The following OSBPL9 variants were observed in gnomAD, a reference collection of about 807,000 sequenced individuals.
OSBPL9 encodes oxysterol binding protein like 9.
A neutral mutation model predicts 106.6 loss-of-function variants in OSBPL9; 40 were observed. That is an observed-to-expected ratio of 0.38 (90% CI 0.29 to 0.49). OSBPL9 has a LOEUF of 0.49. Among genes scored for constraint, OSBPL9 ranks in the 20% least tolerant of loss-of-function variants. The pLI, the probability that OSBPL9 is intolerant of heterozygous loss-of-function variation, is 0.97. For synonymous variants in OSBPL9, 269 were observed against 295.4 expected, an observed-to-expected ratio of 0.91 and a Z score of 0.92; for missense variants, 609 against 887.2, an observed-to-expected ratio of 0.69 and a Z score of 3.98.
chr1:51,698,151 C>T (rs1020875946), intron 3 of OSBPL9, among the ~76,000 whole-genome samples: 3 of 151,882 alleles, frequency 2.0e-5, no homozygotes, highest in Non-Finnish European at 4.4e-5. Context: ...AGTATCTTGC[C>T]CAAGGTCAGA....
the OSBPL9 span, among the ~76,000 whole-genome samples, chr1:51,541,153 T>C: frequency 6.6e-6 from 1 of 152,050 alleles, no homozygotes; most frequent in Admixed American, 6.6e-5. Context: ...TAATTATTTA[T>C]TTGTTTGTTT....
chr1:51,617,285 GA>G (rs1644102756), intron 1 of OSBPL9, 64 bp downstream of exon 1: 1 of 1,503,880 alleles, frequency 6.6e-7, no homozygotes, highest in Non-Finnish European at 9.0e-7. Context: ...GGAGGTGGGG[GA>G]CCGGGGTTTT....
chr1:51,741,280 C>T (rs1666837874), intron 4 of OSBPL9, among the ~76,000 whole-genome samples: 1 of 152,140 alleles, frequency 6.6e-6, no homozygotes, highest in Non-Finnish European at 1.5e-5. Context: ...CTCTTTCTCT[C>T]TCTATTAAAC....
At chr1:51,602,629 C>T (rs557774160) in intron 2 of OSBPL9, among the ~76,000 whole-genome samples, 9 of 150,954 alleles carry the variant, frequency 6.0e-5, no homozygotes, top group African/African-American at 1.9e-4. Context: ...AGGAGTGGGG[C>T]GGGGAGATGT....
At chr1:51,754,647 T>G (rs1443128015) in intron 8 of OSBPL9, among the ~76,000 whole-genome samples, 1 of 152,236 alleles carries the variant, frequency 6.6e-6, no homozygotes, top group Non-Finnish European at 1.5e-5. Flanking sequence ...TAAAATTTTC[T>G]TATAACATTT....
intron 3 of OSBPL9, among the ~76,000 whole-genome samples, chr1:51,687,723 A>G (rs1167042055): frequency 2.6e-5 from 4 of 152,186 alleles, no homozygotes; most frequent in Non-Finnish European, 5.9e-5. Flanking sequence ...AGGTGAGGAG[A>G]AGGAGGCTTG....
intron 1 of OSBPL9, among the ~76,000 whole-genome samples, chr1:51,620,219 A>G (rs1644341337): frequency 6.6e-6 from 1 of 152,208 alleles, no homozygotes; most frequent in Admixed American, 6.5e-5. Flanking sequence ...GTGGCTTATG[A>G]TCACAAAAGA....
chr1:51,772,539 T>C (rs1022251373), intron 13 of OSBPL9, 66 bp from the exon 14 acceptor site: 52 of 1,241,064 alleles, frequency 4.2e-5, no homozygotes, highest in Admixed American at 3.9e-4. Flanking sequence ...AACAAAATTG[T>C]AATTCTAGTA....
chr1:51,640,978 G>C (rs1288139788), intron 1 of OSBPL9, among the ~76,000 whole-genome samples: 1 of 151,068 alleles, frequency 6.6e-6, no homozygotes, highest in South Asian at 2.1e-4. Context: ...TTTTAGAGAT[G>C]GGTTCTCACT....
At chr1:51,694,946 A>G (rs1655719304) in intron 3 of OSBPL9, among the ~76,000 whole-genome samples, 1 of 152,224 alleles carries the variant, frequency 6.6e-6, no homozygotes, top group African/African-American at 2.4e-5. Flanking sequence ...ATGTTTGCCA[A>G]ACACCCGAGA....
At chr1:51,764,562 A>G (rs1047821611) in intron 11 of OSBPL9, among the ~76,000 whole-genome samples, 1 of 151,176 alleles carries the variant, frequency 6.6e-6, no homozygotes, top group Non-Finnish European at 1.5e-5. Flanking sequence ...TGGGCAAAAA[A>G]TCCGTAAGTG....
intron 3 of OSBPL9, among the ~76,000 whole-genome samples, chr1:51,712,341 A>C (rs1424387045): frequency 6.6e-6 from 1 of 152,202 alleles, no homozygotes; most frequent in African/African-American, 2.4e-5. Context: ...CAGTGAGCCG[A>C]GATGGCAGCA....
chr1:51,651,173 G>A (rs1413045649), intron 1 of OSBPL9, among the ~76,000 whole-genome samples: 2 of 152,164 alleles, frequency 1.3e-5, no homozygotes, highest in South Asian at 4.1e-4. Context: ...GAACATTTGG[G>A]TCAAGAAAAT....
chr1:51,711,501 C>T (rs1313743252), intron 3 of OSBPL9, among the ~76,000 whole-genome samples: 12 of 134,500 alleles, frequency 8.9e-5, no homozygotes, highest in Non-Finnish European at 1.1e-4. Flanking sequence ...GGCGGCTGGC[C>T]GGGCGGGGGG....
At chr1:51,672,091 T>A (rs1039945248) in intron 3 of OSBPL9, among the ~76,000 whole-genome samples, 8 of 152,104 alleles carry the variant, frequency 5.3e-5, no homozygotes, top group Admixed American at 5.2e-4. Context: ...GGCATTGAAT[T>A]TGACTGAGAT....
intron 15 of OSBPL9, 25 bp from the exon 16 acceptor site, chr1:51,781,139 T>G: frequency 6.2e-7 from 1 of 1,609,962 alleles, no homozygotes; most frequent in Non-Finnish European, 8.5e-7. Context: ...AGCAGGACAT[T>G]AAATTTTGTC....
chr1:51,549,500 G>A, the OSBPL9 span, among the ~76,000 whole-genome samples: 4 of 152,296 alleles, frequency 2.6e-5, no homozygotes, highest in East Asian at 1.9e-4. Flanking sequence ...CCATGTCTGT[G>A]GGTCTGACTC....
chr1:51,519,930 G>T, the OSBPL9 span, among the ~76,000 whole-genome samples: 1 of 152,210 alleles, frequency 6.6e-6, no homozygotes, highest in Non-Finnish European at 1.5e-5. Flanking sequence ...CCTGGTGCCT[G>T]TCACATTTAG....
In OSBPL9 at chr1:51,765,837, C is replaced by T; in HGVS notation, c.794C>T (p.Pro265Leu). 6.2e-7 allele frequency: 1 copy of T among 1,612,700 alleles called. No individual in the cohort carries two copies. The highest frequency in any genetic ancestry group is 8.5e-7 in the Non-Finnish European group (1 of 1,179,522). ...TPNSTGSGHS[P>L]PSSSLTSPSH... ...AACTTCCTAGGCAGTGGCCATTCAC[C>T]ACCGAGTAGCAGTCTCACTTCTCCA... The change falls in exon 12 of 24, where the codon CCA (proline) becomes CTA (leucine). Residue 265 changes from proline (P) to leucine (L), a missense_variant. Transcript: ENST00000428468.
Sources: gnomAD v4.1 joint callset for allele counts (sites outside exome capture counted in the v4.1 genomes callset) on GRCh38, gnomAD v4.1.1 for gene constraint, MANE v1.5 for transcripts, NCBI Gene and HGNC (gene_info 2026-07-23, HGNC 2026-07-21) for gene names.